P4HA3: variants seen among roughly 807,000 people sequenced by gnomAD.
The protein encoded by P4HA3 is prolyl 4-hydroxylase subunit alpha-3.
A neutral mutation model predicts 66.7 loss-of-function variants in P4HA3; 60 were observed. The ratio of observed to expected loss-of-function variants is 0.90; its 90% CI spans 0.73 to 1.12. The LOEUF is 1.12. Ranked by LOEUF, P4HA3 falls within the 50% of genes most tolerant of loss-of-function variation. The probability of loss-of-function intolerance (pLI) is 0.00; values close to 1 mark genes in which losing one functional copy is unlikely to be tolerated. For missense variants in P4HA3, 683 were observed against 685.8 expected (o/e 1.00, Z 0.05); for synonymous variants, 263 against 274.6 (o/e 0.96, Z 0.42).
intron 10 of P4HA3, among the ~76,000 whole-genome samples, chr11:74,270,362 G>C (rs1860151498): frequency 6.6e-6 from 1 of 152,154 alleles, no homozygotes; most frequent in African/African-American, 2.4e-5. Context: ...GGGAACCCAA[G>C]CTAAGGAGTT....
chr11:74,287,839 G>A (rs1381753567), intron 5 of P4HA3, among the ~76,000 whole-genome samples: 2 of 151,996 alleles, frequency 1.3e-5, no homozygotes, highest in African/African-American at 4.8e-5. Context: ...CAACATGGCA[G>A]AACCCCATCT....
intron 10 of P4HA3, 52 bp from the exon 11 acceptor site, chr11:74,269,772 C>T (rs1187431250): frequency 5.1e-6 from 8 of 1,554,252 alleles, no homozygotes; most frequent in African/African-American, 1.4e-5. Flanking sequence ...GACTTCCCTA[C>T]CCTGTCATAT....
At chr11:74,283,927 T>C (rs982325793) in intron 7 of P4HA3, among the ~76,000 whole-genome samples, 2 of 152,268 alleles carry the variant, frequency 1.3e-5, no homozygotes, top group African/African-American at 4.8e-5. Flanking sequence ...GCATGTATCA[T>C]AGTGTAGTGT....
intron 15 of P4HA3, chr11:74,251,355 G>A: frequency 7.4e-7 from 1 of 1,354,870 alleles, no homozygotes; most frequent in Non-Finnish European, 9.5e-7. Context: ...GCACAGTTAG[G>A]AATTAATATG....
intron 10 of P4HA3, among the ~76,000 whole-genome samples, chr11:74,271,056 T>C (rs927899116): frequency 1.3e-5 from 2 of 152,246 alleles, no homozygotes; most frequent in Non-Finnish European, 2.9e-5. Context: ...CCTAGCATTA[T>C]CTACCAGAAG....
In P4HA3 at chr11:74,298,280, C is replaced by A; in HGVS notation, c.649G>T (p.Glu217Ter). The change falls in exon 4 of 13, where the codon GAG becomes TAG. Residue 217 changes from glutamate to a stop codon, truncating the protein, a stop_gained. Transcript: ENST00000331597. LOFTEE classifies it high-confidence loss of function. The part of the protein sequence containing the change: ...AVSLFRGSYG[E>*]WKTEDEASLE... Reference sequence around the variant, plus strand: ...CTTGCCTCATCCTCTGTCTTCCACTCTCCGTAAGATCCTCGGAAGAGACTG... The same window carrying A: ...CTTGCCTCATCCTCTGTCTTCCACTATCCGTAAGATCCTCGGAAGAGACTG... The A allele has an allele frequency of 6.2e-7, 1 of 1,614,130 alleles. No individual in the cohort carries two copies. The highest frequency in any genetic ancestry group is 1.1e-5 in the South Asian group (1 of 91,090).
In P4HA3 at chr11:74,269,769, C is replaced by T. The variant is rs765409731; in HGVS notation, c.1399-49G>A. Reference sequence around the variant, plus strand: ...AGAGTTAAAACTGCCACCGACTTCCCTACCCTGTCATATGATGTCACATCT... The same window carrying T: ...AGAGTTAAAACTGCCACCGACTTCCTTACCCTGTCATATGATGTCACATCT... On this transcript the variant is annotated intron_variant, in intron 10 of 12. Coordinates refer to ENST00000331597, the MANE Select transcript of P4HA3 (RefSeq NM_182904.5). 10 of 1,568,826 alleles carry T rather than the reference C, an allele frequency of 6.4e-6. No individual in the cohort carries two copies. In the South Asian group the frequency reaches 1.1e-4, roughly 18 times the overall value.
intron 4 of P4HA3, among the ~76,000 whole-genome samples, chr11:74,290,199 G>A (rs1467931889): frequency 5.9e-5 from 9 of 152,130 alleles, no homozygotes; most frequent in African/African-American, 1.4e-4. Flanking sequence ...GGCCAGTGAC[G>A]ATGAGCATTT....
chr11:74,264,141 T>C (rs1450488082), downstream of P4HA3, among the ~76,000 whole-genome samples: 1 of 151,878 alleles, frequency 6.6e-6, no homozygotes, highest in African/African-American at 2.4e-5. Context: ...ACTCTAGGAG[T>C]GATGTGGCTT....
At chr11:74,263,755 A>G (rs1010265371), downstream of P4HA3, among the ~76,000 whole-genome samples, 7 of 152,198 alleles carry the variant, frequency 4.6e-5, no homozygotes, top group African/African-American at 1.7e-4. Context: ...GAGGCTTGCA[A>G]GTGATAAGTA....
At chr11:74,273,123 C>T (rs139615364) in intron 10 of P4HA3, among the ~76,000 whole-genome samples, 2,307 of 152,248 alleles carry the variant, frequency 0.015, 69 homozygotes, top group African/African-American at 0.053. Context: ...AAATCTGCTG[C>T]CTCATTCCTC....
chr11:74,273,459 A>G, intron 10 of P4HA3, 86 bp downstream of exon 10: 1 of 1,251,550 alleles, frequency 8.0e-7, no homozygotes, highest in Non-Finnish European at 1.1e-6. Context: ...ACCAGATAAA[A>G]TCAATACGTG....
At chr11:74,251,961 C>G (rs1463949176) in intron 15 of P4HA3, 3 of 696,528 alleles carry the variant, frequency 4.3e-6, no homozygotes, top group Non-Finnish European at 8.0e-6. Context: ...TCTCACTCCC[C>G]ACTGTGATGT....
At chr11:74,288,057 A>G (rs1860861116) in intron 5 of P4HA3, among the ~76,000 whole-genome samples, 1 of 152,136 alleles carries the variant, frequency 6.6e-6, no homozygotes, top group Non-Finnish European at 1.5e-5. Context: ...CCACACCCCT[A>G]AAAGCAAAAG....
intron 9 of P4HA3, among the ~76,000 whole-genome samples, chr11:74,274,857 A>G (rs905259867): frequency 2.0e-5 from 3 of 152,158 alleles, no homozygotes; most frequent in Non-Finnish European, 4.4e-5. Context: ...CACTTGGTAT[A>G]ATCTTATTTT....
chr11:74,269,474 C>A (rs370514496), intron 11 of P4HA3, among the ~76,000 whole-genome samples, 178 bp downstream of exon 11: 1 of 152,300 alleles, frequency 6.6e-6, no homozygotes, highest in South Asian at 2.1e-4. Flanking sequence ...GCACAAGTGA[C>A]GAGCATGTGT....
downstream of P4HA3, among the ~76,000 whole-genome samples, chr11:74,266,237 C>T (rs955977505): frequency 6.6e-6 from 1 of 152,064 alleles, no homozygotes; most frequent in African/African-American, 2.4e-5. Context: ...AAATAAAATG[C>T]TGTACAGTCA....
chr11:74,304,939 A>G (rs1318707917), intron 1 of P4HA3, among the ~76,000 whole-genome samples: 3 of 152,140 alleles, frequency 2.0e-5, no homozygotes, highest in South Asian at 2.1e-4. Context: ...ATCAGGTACC[A>G]GTTAGATTCC....
chr11:74,265,972 T>C (rs1006710154), downstream of P4HA3, among the ~76,000 whole-genome samples: 1 of 152,158 alleles, frequency 6.6e-6, no homozygotes, highest in Non-Finnish European at 1.5e-5. Flanking sequence ...AGTCAGTTCA[T>C]ATGAAAGAAA....
Sources: allele counts gnomAD v4.1 joint callset (sites outside exome capture counted in the v4.1 genomes callset), GRCh38; gene constraint gnomAD v4.1.1; transcripts MANE v1.5; gene names NCBI Gene and HGNC (gene_info 2026-07-23, HGNC 2026-07-21).